Variants in MAML2 observed in about 807,000 individuals in gnomAD.
MAML2 encodes mastermind like transcriptional coactivator 2.
A neutral mutation model predicts 96.1 loss-of-function variants in MAML2; 22 were observed. The observed-to-expected ratio is 0.23, with a 90% confidence interval of 0.16 to 0.33. The LOEUF is 0.33. MAML2 is among the 10% of genes least tolerant of loss of function. The pLI is 1.00. For missense variants in MAML2, 1,367 were observed against 1,392.4 expected, an observed-to-expected ratio of 0.98 and a Z score of 0.29; for synonymous variants, 561 against 521.3, an observed-to-expected ratio of 1.08 and a Z score of -1.04.
chr11:96,059,342 TA>T (rs762946101), intron 2 of MAML2, among the ~76,000 whole-genome samples: 2 of 152,184 alleles, frequency 1.3e-5, no homozygotes, highest in African/African-American at 2.4e-5. Context: ...GGTGAGTAGA[TA>T]AAAAGCAATA....
At chr11:96,208,505 T>A (rs1863745666) in intron 1 of MAML2, among the ~76,000 whole-genome samples, 1 of 152,260 alleles carries the variant, frequency 6.6e-6, no homozygotes. Flanking sequence ...AACTCTTGTT[T>A]CATTTATTTC....
At chr11:96,018,288 T>C (rs547587758) in intron 2 of MAML2, among the ~76,000 whole-genome samples, 2 of 152,326 alleles carry the variant, frequency 1.3e-5, no homozygotes, top group Admixed American at 1.3e-4. Flanking sequence ...AGATGCTTAT[T>C]ACACATCCAA....
Position 95,979,907 on chromosome 11 carries a change from T to A in MAML2, c.2512A>T (p.Thr838Ser). 6.2e-7 allele frequency: 1 copy of A among 1,613,958 alleles called. No individual in the cohort carries two copies. Residue 838 changes from threonine (T) to serine (S), a missense_variant, in exon 5 of 5, where the codon ACA becomes TCA. By Grantham distance (58) the Thr-to-Ser change is moderately conservative (BLOSUM62 1). Coordinates refer to ENST00000524717, the MANE Select transcript of MAML2 (RefSeq NM_032427.4). ...GAATTGGGAGTTAAAATGGTGTGTG[T>A]TGAAACTGGGTTTGCCAAAGCCTGG... ...SNQALANPVS[T>S]HTILTPNSSL...
At chr11:96,039,669 G>C (rs1237200163) in intron 2 of MAML2, among the ~76,000 whole-genome samples, 1 of 150,868 alleles carries the variant, frequency 6.6e-6, no homozygotes, top group Non-Finnish European at 1.5e-5. Flanking sequence ...ATCATCGGCC[G>C]GGCGCGGTGG....
intron 1 of MAML2, among the ~76,000 whole-genome samples, chr11:96,195,713 T>A (rs1190020032): frequency 6.6e-6 from 1 of 152,210 alleles, no homozygotes; most frequent in Non-Finnish European, 1.5e-5. Flanking sequence ...CCTGTGTGCA[T>A]ATAATTGTAA....
chr11:96,142,431 C>T (rs1409363029), intron 1 of MAML2, among the ~76,000 whole-genome samples: 1 of 152,146 alleles, frequency 6.6e-6, no homozygotes, highest in African/African-American at 2.4e-5. Flanking sequence ...ATACCCACCA[C>T]TTGCTAAGGG....
intron 1 of MAML2, among the ~76,000 whole-genome samples, chr11:96,330,000 A>G (rs1469233592): frequency 7.9e-5 from 12 of 152,256 alleles, no homozygotes; most frequent in Admixed American, 6.5e-4. Flanking sequence ...CAAGGGCAGC[A>G]TAACAGTACA....
At chr11:96,267,608 T>A (rs1862847928) in intron 1 of MAML2, among the ~76,000 whole-genome samples, 1 of 152,224 alleles carries the variant, frequency 6.6e-6, no homozygotes. Flanking sequence ...AACGGGCTGG[T>A]GCTGCCCAGA....
At chr11:96,192,568 T>C (rs1005918756) in intron 1 of MAML2, among the ~76,000 whole-genome samples, 2 of 152,276 alleles carry the variant, frequency 1.3e-5, no homozygotes, top group South Asian at 4.1e-4. Flanking sequence ...TTTATAATCA[T>C]GTCCCTGTCT....
chr11:96,324,383 T>C (rs1863747503), intron 1 of MAML2, among the ~76,000 whole-genome samples: 1 of 152,242 alleles, frequency 6.6e-6, no homozygotes, highest in Non-Finnish European at 1.5e-5. Context: ...TAATACATGT[T>C]ATTTTTTTTA....
Position 96,091,930 on chromosome 11 carries a change from C to T in MAML2, c.2101G>A (p.Ala701Thr). 1 of 1,613,256 alleles carries T rather than the reference C, an allele frequency of 6.2e-7. No homozygotes were observed. The highest frequency in any genetic ancestry group is 8.5e-7 in the Non-Finnish European group (1 of 1,179,604). ...LLQQMQNQPI[A>T]GMGYQVSQQQ... ...TGGGAGACTTGGTATCCCATTCCTG[C>T]AATGGGCTGATTCTGCATTTGCTGA... Residue 701 changes from alanine (A) to threonine (T), a missense_variant, in exon 2 of 5, where the codon GCA becomes ACA. Coordinates refer to ENST00000524717, the MANE Select transcript of MAML2 (RefSeq NM_032427.4).
At chr11:96,172,821 C>A (rs1861318069) in intron 1 of MAML2, among the ~76,000 whole-genome samples, 2 of 152,308 alleles carry the variant, frequency 1.3e-5, no homozygotes, top group Non-Finnish European at 1.5e-5. Flanking sequence ...ATGAGAGACT[C>A]TTCCAACAAG....
intron 1 of MAML2, among the ~76,000 whole-genome samples, chr11:96,203,300 T>G (rs1021868367): frequency 6.6e-6 from 1 of 152,232 alleles, no homozygotes; most frequent in African/African-American, 2.4e-5. Context: ...TTTAACATTC[T>G]CTAAAGAACA....
intron 2 of MAML2, among the ~76,000 whole-genome samples, chr11:96,010,501 A>C (rs1215621472): frequency 6.6e-6 from 1 of 152,204 alleles, no homozygotes; most frequent in African/African-American, 2.4e-5. Flanking sequence ...TAGACCAGGT[A>C]GGGGCATAGG....
intron 2 of MAML2, among the ~76,000 whole-genome samples, chr11:96,000,379 T>C (rs1858062380): frequency 6.6e-6 from 1 of 152,232 alleles, no homozygotes; most frequent in South Asian, 2.1e-4. Context: ...TTCATTCATA[T>C]GCCTGTGGCT....
chr11:96,118,884 C>T (rs1294470797), intron 1 of MAML2, among the ~76,000 whole-genome samples: 1 of 151,724 alleles, frequency 6.6e-6, no homozygotes, highest in Non-Finnish European at 1.5e-5. Flanking sequence ...TTAGGTTAAA[C>T]ACAACCTCCC....
intron 1 of MAML2, among the ~76,000 whole-genome samples, chr11:96,210,438 C>G (rs1861954094): frequency 6.6e-6 from 1 of 152,166 alleles, no homozygotes; most frequent in African/African-American, 2.4e-5. Flanking sequence ...GTCCAAAACA[C>G]AGTTTATAGA....
At chr11:96,041,965 C>T (rs1026645789) in intron 2 of MAML2, among the ~76,000 whole-genome samples, 7 of 145,088 alleles carry the variant, frequency 4.8e-5, no homozygotes, top group Admixed American at 1.5e-4. Context: ...TATGCCACCA[C>T]GCCCGGCTAA....
chr11:96,312,830 G>A (rs1863563283), intron 1 of MAML2, among the ~76,000 whole-genome samples: 2 of 152,150 alleles, frequency 1.3e-5, no homozygotes, highest in Non-Finnish European at 2.9e-5. Flanking sequence ...TTCTTATCAG[G>A]AACTAATTTC....
Sources: allele counts gnomAD v4.1 joint callset (sites outside exome capture counted in the v4.1 genomes callset), GRCh38; gene constraint gnomAD v4.1.1; transcripts MANE v1.5; gene names NCBI Gene and HGNC (gene_info 2026-07-23, HGNC 2026-07-21).